CACNA1C: variants seen among roughly 807,000 people sequenced by gnomAD.
CACNA1C encodes voltage-dependent L-type calcium channel subunit alpha-1C.
Under a neutral mutation model 229.0 loss-of-function variants are expected in CACNA1C, and 30 were observed. The ratio of observed to expected loss-of-function variants is 0.13; its 90% confidence interval spans 0.10 to 0.18. The LOEUF (loss-of-function observed/expected upper bound fraction) is 0.18, where lower values mean the gene tolerates loss of function less well. Among genes scored for constraint, CACNA1C ranks in the 10% least tolerant of loss-of-function variants. The pLI, the probability that CACNA1C is intolerant of heterozygous loss-of-function variation, is 1.00. For missense variants in CACNA1C, 1,658 were observed against 2,845.0 expected (o/e 0.58, Z 9.49); for synonymous variants, 1,114 against 1,132.5 (o/e 0.98, Z 0.33).
At chr12:2,437,786 ATGG>A (rs772698670) in intron 3 of CACNA1C, among the ~76,000 whole-genome samples, 11 of 147,088 alleles carry the variant, frequency 7.5e-5, no homozygotes, top group African/African-American at 2.3e-4. Flanking sequence ...AGAGGTGGTG[ATGG>A]TGGTGGTGGG....
chr12:2,298,036 G>A (rs111824581), intron 3 of CACNA1C, among the ~76,000 whole-genome samples: 1,618 of 152,242 alleles, frequency 0.011, 23 homozygotes, highest in African/African-American at 0.037. Flanking sequence ...TAAAGGAGAC[G>A]ACATCACAGA....
chr12:2,140,502 C>T (rs2094053715), intron 3 of CACNA1C, among the ~76,000 whole-genome samples: 1 of 151,362 alleles, frequency 6.6e-6, no homozygotes, highest in Admixed American at 6.6e-5. Flanking sequence ...AGATGAGAGG[C>T]TAGGAGGCCT....
chr12:2,083,554 G>A (rs1202173273), intron 1 of CACNA1C, among the ~76,000 whole-genome samples: 1 of 152,222 alleles, frequency 6.6e-6, no homozygotes, highest in Non-Finnish European at 1.5e-5. Flanking sequence ...GCTCTTGGGA[G>A]AGTCTTTGAT....
At position 2,029,594 on chromosome 12, in the gene CACNA1C, A is replaced by G. The variant is rs557848892; in HGVS notation, c.139+58393A>G. On this transcript the variant is annotated intron_variant, in intron 1 of 46. Coordinates refer to the CACNA1C transcript ENST00000682462. The surrounding 1 kb of genome is among the most constrained non-coding windows in gnomAD (Gnocchi z 4.9). ...CGAGGTTCATCCACATTGTAGCATA[A>G]ATCAATATTTCATTCCTTTTTATGG... Among the ~76,000 whole-genome samples, 195 of 152,294 alleles carry G rather than the reference A, an allele frequency of 1.3e-3. 1 individual carries two copies. The highest frequency in any genetic ancestry group is 4.6e-3 in the African/African-American group (191 of 41,558).
chr12:2,485,248 A>G (rs1597731219), intron 5 of CACNA1C, among the ~76,000 whole-genome samples: 1 of 152,028 alleles, frequency 6.6e-6, no homozygotes. Flanking sequence ...CTCACCTGGC[A>G]TGTGAGACTC....
intron 3 of CACNA1C, among the ~76,000 whole-genome samples, chr12:2,413,018 A>G (rs544911284): frequency 3.9e-5 from 6 of 152,196 alleles, no homozygotes; most frequent in Non-Finnish European, 5.9e-5. Context: ...GGCCGACCCA[A>G]TGCTTTTTTG....
At chr12:2,187,133 C>T (rs988731637) in intron 3 of CACNA1C, among the ~76,000 whole-genome samples, 1 of 152,170 alleles carries the variant, frequency 6.6e-6, no homozygotes, top group African/African-American at 2.4e-5. Flanking sequence ...TTTTCAGAAC[C>T]TTTTCCAGGC....
intron 34 of CACNA1C, among the ~76,000 whole-genome samples, chr12:2,663,176 AAAT>A (rs2095854437): frequency 6.6e-6 from 1 of 152,268 alleles, no homozygotes; most frequent in South Asian, 2.1e-4. Context: ...AATACACCGT[AAAT>A]AATACCAGAG....
chr12:2,210,730 G>A (rs976855534), intron 3 of CACNA1C, among the ~76,000 whole-genome samples: 1 of 152,186 alleles, frequency 6.6e-6, no homozygotes, highest in Non-Finnish European at 1.5e-5. Context: ...AGAGAAAAAA[G>A]CATTAAGTTA....
chr12:2,188,238 A>G (rs2097103960), intron 3 of CACNA1C, among the ~76,000 whole-genome samples: 1 of 152,242 alleles, frequency 6.6e-6, no homozygotes, highest in African/African-American at 2.4e-5. Context: ...TACCTCGCAC[A>G]TCAAATAGAA....
chr12:2,306,727 T>G (rs767917440), intron 3 of CACNA1C, among the ~76,000 whole-genome samples: 12 of 152,218 alleles, frequency 7.9e-5, no homozygotes, highest in Admixed American at 1.3e-4. Context: ...TGAGACACAC[T>G]GGCTTAAAGT....
rs1198249170 is a variant in CACNA1C, at chr12:2,054,773, G to T, written c.49+1162G>T. 2.6e-5 allele frequency among the ~76,000 whole-genome samples: 4 copies of T among 152,126 alleles called. No individual in the cohort carries two copies. Among genetic ancestry groups the T allele is most frequent in the Admixed American group, 1.3e-4 (2 of 15,274 alleles). On this transcript the variant is annotated intron_variant, in intron 1 of 46. Coordinates refer to ENST00000399655, the MANE Select transcript of CACNA1C (RefSeq NM_000719.7). The surrounding 1 kb of genome is among the most constrained non-coding windows in gnomAD (Gnocchi z 5.5). ...CCCAGTTCCCAGAGCCTCCCTGTTT[G>T]CACTCTTCCTCTTCTCTTCCCCTGA...
chr12:2,301,980 T>TGG (rs2094594369), intron 3 of CACNA1C, among the ~76,000 whole-genome samples: 3 of 152,276 alleles, frequency 2.0e-5, no homozygotes, highest in Admixed American at 2.0e-4. Context: ...TTTAGATTGT[T>TGG]TCTGGTTCAG....
In CACNA1C at chr12:2,677,303, C is replaced by A; in HGVS notation, c.4956+82C>A. On this transcript the variant is annotated intron_variant, in intron 40 of 46. Coordinates refer to ENST00000399655, the MANE Select transcript of CACNA1C (RefSeq NM_000719.7). This position sits in a 1 kb window ranked among gnomAD's most constrained non-coding sequence, Gnocchi z 7.4. ...CTCCAGTCAGGGTCCCGGTCCCTCC[C>A]CAGCAGGCTGGAGGCCAGGTCCCTG... The A allele has an allele frequency of 6.7e-7, 1 of 1,493,524 alleles. No individual in the cohort carries two copies. 92.5% of individuals were successfully genotyped at this position (1,493,524 alleles called of 1,614,324 possible).
At chr12:2,198,705 CAG>C (rs995830706) in intron 3 of CACNA1C, among the ~76,000 whole-genome samples, 12 of 152,172 alleles carry the variant, frequency 7.9e-5, no homozygotes, top group Admixed American at 2.6e-4. Context: ...GAGGGAGAGA[CAG>C]GGGGTTCTGG....
chr12:2,540,089 G>A (rs2099865771), intron 9 of CACNA1C, among the ~76,000 whole-genome samples: 2 of 152,166 alleles, frequency 1.3e-5, no homozygotes, highest in East Asian at 3.9e-4. Context: ...CAGTTGGGGA[G>A]CGAACGCCCC....
At chr12:2,546,220 C>T (rs1444729323) in intron 9 of CACNA1C, among the ~76,000 whole-genome samples, 1 of 152,196 alleles carries the variant, frequency 6.6e-6, no homozygotes, top group Non-Finnish European at 1.5e-5. Context: ...CTGGTGTCTT[C>T]ACACTATTCT....
In CACNA1C at chr12:2,632,221, G is replaced by A. The variant is rs555730331; in HGVS notation, c.3829-2076G>A. Among the ~76,000 whole-genome samples the A allele has an allele frequency of 2.0e-5, 3 of 152,148 alleles. No homozygotes were observed. Among genetic ancestry groups the A allele is most frequent in the African/African-American group, 4.8e-5 (2 of 41,506 alleles). Reference sequence around the variant, plus strand: ...AAAGGCGTGAATGTTTTTTCTTAAAGAAGACAAATCTCTGTAGTACTCGGT... The same window carrying A: ...AAAGGCGTGAATGTTTTTTCTTAAAAAAGACAAATCTCTGTAGTACTCGGT... On this transcript the variant is annotated intron_variant, in intron 29 of 46. Coordinates refer to ENST00000399655, the MANE Select transcript of CACNA1C (RefSeq NM_000719.7). The surrounding 1 kb of genome is among the most constrained non-coding windows in gnomAD (Gnocchi z 4.1).
chr12:2,284,943 T>C (rs866447271), intron 3 of CACNA1C, among the ~76,000 whole-genome samples: 6 of 152,194 alleles, frequency 3.9e-5, no homozygotes, highest in Admixed American at 1.3e-4. Flanking sequence ...GCCAGGGCCA[T>C]GTGTCTCCTT....
Sources: allele counts gnomAD v4.1 joint callset (sites outside exome capture counted in the v4.1 genomes callset), GRCh38; gene constraint gnomAD v4.1.1; non-coding constraint Gnocchi (gnomAD v3.1); transcripts MANE v1.5; gene names NCBI Gene and HGNC (gene_info 2026-07-23, HGNC 2026-07-21).